LPAR6: variants seen among roughly 807,000 people sequenced by gnomAD.
LPAR6 encodes G-protein coupled purinergic receptor P2Y5.
LPAR6 carries 17 observed loss-of-function variants against 22.0 expected under a neutral mutation model. That is an observed-to-expected ratio of 0.77 (90% CI 0.53 to 1.16). The LOEUF (loss-of-function observed/expected upper bound fraction) is 1.16. Ranked by LOEUF, LPAR6 falls within the 50% of genes most tolerant of loss-of-function variation. LPAR6 has a pLI of 0.00. For missense variants in LPAR6, 384 were observed against 406.9 expected (o/e 0.94, Z 0.48); for synonymous variants, 136 against 139.8 (o/e 0.97, Z 0.19).
intron 1 of LPAR6, among the ~76,000 whole-genome samples, chr13:48,390,615 C>T (rs1374534776): frequency 6.6e-6 from 1 of 152,160 alleles, no homozygotes; most frequent in African/African-American, 2.4e-5. Flanking sequence ...CTCTCAATAC[C>T]TAATCTAATG....
intron 2 of LPAR6, among the ~76,000 whole-genome samples, chr13:48,419,443 T>G (rs1948969308): frequency 6.6e-6 from 1 of 152,144 alleles, no homozygotes; most frequent in East Asian, 1.9e-4. Context: ...AGAAAAGATG[T>G]AAAATTGACA....
chr13:48,433,933 A>G (rs922610299), intron 1 of LPAR6, among the ~76,000 whole-genome samples: 6 of 151,774 alleles, frequency 4.0e-5, no homozygotes, highest in African/African-American at 1.5e-4. Flanking sequence ...TATGTTGCCC[A>G]GGCTGGTCTT....
In LPAR6 at chr13:48,397,493, G is replaced by C. The variant is rs939513558; in HGVS notation, n.115-7681C>G. 4.6e-5 allele frequency among the ~76,000 whole-genome samples: 7 copies of C among 152,040 alleles called. No homozygotes were observed. In the East Asian group the frequency reaches 7.7e-4, roughly 17 times the overall value. On this transcript the variant is annotated intron_variant and non_coding_transcript_variant, in intron 1 of 1. Transcript: ENST00000462781. ...GAACATCACACACCGGGGCCTGTCA[G>C]GGGGTGCGGGTCTAAGGGAGGGATA...
At chr13:48,418,661 G>T (rs1423474154) in intron 2 of LPAR6, among the ~76,000 whole-genome samples, 14 of 150,692 alleles carry the variant, frequency 9.3e-5, no homozygotes, top group Admixed American at 9.3e-4. Context: ...GCAAAGACAC[G>T]TGCTCTAAAT....
intron 1 of LPAR6, among the ~76,000 whole-genome samples, chr13:48,440,251 G>A (rs926178101): frequency 8.5e-5 from 13 of 152,096 alleles, no homozygotes; most frequent in East Asian, 3.9e-4. Flanking sequence ...AAATATAACC[G>A]AAAACTAAAG....
rs1304430416 is a variant in LPAR6, at chr13:48,412,599, T to C, written c.-176A>G. 1 of 631,274 alleles carries C rather than the reference T, an allele frequency of 1.6e-6. No individual in the cohort carries two copies. The highest frequency in any genetic ancestry group is 1.8e-5 in the African/African-American group (1 of 54,074). 39.1% of individuals were successfully genotyped at this position (631,274 alleles called of 1,614,324 possible). A position where few individuals can be genotyped will look rare whatever the true frequency, so the allele number is the denominator to read the frequency against. The stretch of plus-strand genomic sequence containing the variant: ...ATACCCAAAAGAAACATGAAATTTG[T>C]TGCTGTAAAATTTCCGCTGGGTTCT... On this transcript the variant is annotated 5_prime_UTR_variant, in exon 1 of 1. Transcript: ENST00000620633.
downstream of LPAR6, chr13:48,408,743 C>G (rs1243534687): frequency 6.6e-6 from 1 of 152,110 alleles, no homozygotes; most frequent in Non-Finnish European, 1.5e-5. Flanking sequence ...AAGAATCTTA[C>G]AAAACTTTTG....
rs944321155 is a variant in LPAR6, at chr13:48,411,668, A to C, written c.756T>G (p.Tyr252Ter). Residue 252 changes from tyrosine (Y) to a stop codon, truncating the protein, a stop_gained, in exon 1 of 1, where the codon TAT becomes TAG. Transcript: ENST00000620633. LOFTEE classifies it high-confidence loss of function. ...CAAATGTTTGTGTTCTCACAAGAGA[A>C]TATAAAATAAGATTGATATTGTAAG... Reference protein sequence around the residue: ...FVPYNINLILYSLVRTQTFVN... With the variant: ...FVPYNINLIL 1 of 1,611,200 alleles carries C rather than the reference A, an allele frequency of 6.2e-7. No individual in the cohort carries two copies.
chr13:48,405,191 T>C (rs1402056111), intron 1 of LPAR6, among the ~76,000 whole-genome samples: 1 of 152,168 alleles, frequency 6.6e-6, no homozygotes, highest in African/African-American at 2.4e-5. Context: ...TTGTTCCACA[T>C]GAGAAATCAG....
intron 1 of LPAR6, among the ~76,000 whole-genome samples, chr13:48,423,254 G>C (rs1474846729): frequency 1.3e-5 from 2 of 152,022 alleles, no homozygotes; most frequent in African/African-American, 4.8e-5. Flanking sequence ...TTAAGCTGCT[G>C]GGTTGGGTTT....
chr13:48,395,740 C>T (rs931277158), intron 1 of LPAR6, among the ~76,000 whole-genome samples: 1 of 152,086 alleles, frequency 6.6e-6, no homozygotes, highest in Non-Finnish European at 1.5e-5. Flanking sequence ...TGTGAAAAGA[C>T]CAAACCTATG....
upstream of LPAR6, among the ~76,000 whole-genome samples, chr13:48,428,839 T>A (rs1029468991): frequency 4.7e-4 from 71 of 152,344 alleles, no homozygotes; most frequent in African/African-American, 1.5e-3. Flanking sequence ...CTGTGAATAG[T>A]AAATTTAACA....
At chr13:48,411,097 T>C (rs1331247508), downstream of LPAR6, 1 of 211,566 alleles carries the variant, frequency 4.7e-6, no homozygotes, top group African/African-American at 2.3e-5. Flanking sequence ...CATTACAGAT[T>C]GGCACCACAT....
At chr13:48,436,942 A>G (rs1949190656) in intron 1 of LPAR6, among the ~76,000 whole-genome samples, 1 of 152,198 alleles carries the variant, frequency 6.6e-6, no homozygotes, top group African/African-American at 2.4e-5. Context: ...TAATTTTTCT[A>G]CTAGCACTAC....
At chr13:48,408,421 G>A (rs1948758877), downstream of LPAR6, among the ~76,000 whole-genome samples, 1 of 152,020 alleles carries the variant, frequency 6.6e-6, no homozygotes, top group Admixed American at 6.6e-5. Flanking sequence ...CCTTTGAAGG[G>A]AGTTAATGTG....
At chr13:48,431,929 C>G (rs767929511) in intron 1 of LPAR6, among the ~76,000 whole-genome samples, 10 of 151,968 alleles carry the variant, frequency 6.6e-5, no homozygotes, top group Non-Finnish European at 1.3e-4. Context: ...TTGAGTGTAA[C>G]TGTGTACCAG....
chr13:48,409,570 ATTTTTTTTTTTTT>A (rs5803435), downstream of LPAR6, among the ~76,000 whole-genome samples: 1 of 59,668 alleles, frequency 1.7e-5, no homozygotes, highest in African/African-American at 6.5e-5. Flanking sequence ...GAACTGCTTG[ATTTTTTTTTTTTT>A]TTTTTTTTTT....
At chr13:48,435,734 T>C (rs1949176570) in intron 1 of LPAR6, among the ~76,000 whole-genome samples, 1 of 152,146 alleles carries the variant, frequency 6.6e-6, no homozygotes, top group Non-Finnish European at 1.5e-5. Context: ...AGTTTGAGAT[T>C]TGGGTTGAGG....
chr13:48,425,838 C>T (rs925671008), intron 1 of LPAR6, among the ~76,000 whole-genome samples: 4 of 152,112 alleles, frequency 2.6e-5, no homozygotes, highest in Non-Finnish European at 5.9e-5. Context: ...TTTTCAATGA[C>T]AAGAAAGAAC....
Sources: allele counts gnomAD v4.1 joint callset (sites outside exome capture counted in the v4.1 genomes callset), GRCh38; gene constraint gnomAD v4.1.1; transcripts MANE v1.5; gene names NCBI Gene and HGNC (gene_info 2026-07-23, HGNC 2026-07-21).